GALNT13: variants seen among roughly 807,000 people sequenced by gnomAD.
GALNT13 encodes UDP-GalNAc:polypeptide N-acetylgalactosaminyltransferase 13.
A neutral mutation model predicts 64.2 loss-of-function variants in GALNT13; 28 were observed. The ratio of observed to expected loss-of-function variants is 0.44; its 90% CI spans 0.32 to 0.60. GALNT13 has a LOEUF of 0.60. Among genes scored for constraint, GALNT13 ranks in the 20% least tolerant of loss-of-function variants. The probability of loss-of-function intolerance (pLI) is 0.05; values close to 1 mark genes in which losing one functional copy is unlikely to be tolerated. For synonymous variants in GALNT13, 214 were observed against 224.6 expected, an observed-to-expected ratio of 0.95 and a Z score of 0.42; for missense variants, 577 against 669.8, an observed-to-expected ratio of 0.86 and a Z score of 1.53.
chr2:154,399,234 T>A (rs799741), intron 10 of GALNT13, among the ~76,000 whole-genome samples: 52,258 of 151,924 alleles, frequency 0.34, 9,438 homozygotes, highest in African/African-American at 0.45. Flanking sequence ...CTGAGTAACA[T>A]AGTGAGAACC....
the GALNT13 span, among the ~76,000 whole-genome samples, chr2:153,443,360 G>T: frequency 1.3e-5 from 2 of 152,154 alleles, no homozygotes; most frequent in African/African-American, 4.8e-5. Context: ...GCTTCAGCTT[G>T]CCCTCTGTGG....
chr2:153,125,492 G>A, the GALNT13 span, among the ~76,000 whole-genome samples: 1 of 152,222 alleles, frequency 6.6e-6, no homozygotes, highest in African/African-American at 2.4e-5. Flanking sequence ...TGTGGACCCT[G>A]ATGTTCCTAT....
intron 3 of GALNT13, among the ~76,000 whole-genome samples, chr2:153,954,896 CA>C (rs1051434352): frequency 3.3e-5 from 5 of 151,594 alleles, no homozygotes; most frequent in African/African-American, 7.3e-5. Flanking sequence ...TCCTTTTTGC[CA>C]AAGTAATCAT....
chr2:154,442,452 T>C (rs942882432), intron 12 of GALNT13, among the ~76,000 whole-genome samples: 3 of 152,048 alleles, frequency 2.0e-5, no homozygotes, highest in African/African-American at 7.2e-5. Context: ...GCCTAACCTG[T>C]TTGAATTGAG....
At chr2:153,854,383 C>T in the GALNT13 span, among the ~76,000 whole-genome samples, 2 of 151,864 alleles carry the variant, frequency 1.3e-5, no homozygotes, top group Non-Finnish European at 2.9e-5. Context: ...AGTTCAAGAC[C>T]AGCCTGGCTA....
chr2:153,746,300 A>G, the GALNT13 span, among the ~76,000 whole-genome samples: 1 of 152,186 alleles, frequency 6.6e-6, no homozygotes, highest in Non-Finnish European at 1.5e-5. Flanking sequence ...AGTTACCACT[A>G]TCCTAATTTG....
chr2:153,205,201 G>C, the GALNT13 span, among the ~76,000 whole-genome samples: 3 of 129,530 alleles, frequency 2.3e-5, no homozygotes, highest in African/African-American at 9.0e-5. Flanking sequence ...TTTGTAAACA[G>C]AATTTAGTGT....
At chr2:154,358,187 A>T (rs1312932818) in intron 9 of GALNT13, among the ~76,000 whole-genome samples, 1 of 152,160 alleles carries the variant, frequency 6.6e-6, no homozygotes, top group African/African-American at 2.4e-5. Context: ...CCAAACAGCA[A>T]GTTCTCTTAC....
At chr2:154,066,672 A>G (rs1419961127) in intron 3 of GALNT13, among the ~76,000 whole-genome samples, 2 of 151,696 alleles carry the variant, frequency 1.3e-5, no homozygotes, top group African/African-American at 4.8e-5. Context: ...AAAATTTTTC[A>G]GTAAAAACAA....
the GALNT13 span, among the ~76,000 whole-genome samples, chr2:153,830,841 G>A: frequency 1.3e-5 from 2 of 152,008 alleles, no homozygotes; most frequent in Non-Finnish European, 2.9e-5. Flanking sequence ...TTCCTTTAAT[G>A]TTGCTCTTTA....
intron 3 of GALNT13, among the ~76,000 whole-genome samples, chr2:153,983,138 G>A (rs1460562251): frequency 6.6e-6 from 1 of 151,864 alleles, no homozygotes; most frequent in Non-Finnish European, 1.5e-5. Context: ...GAAATTTGAT[G>A]TGAACAGCAA....
chr2:154,041,596 C>T lies in GALNT13; in HGVS notation c.142+96957C>T, dbSNP rs1293098868. 1.4e-5 allele frequency among the ~76,000 whole-genome samples: 2 copies of T among 140,454 alleles called. 1 individual carries two copies. Among genetic ancestry groups the T allele is most frequent in the Non-Finnish European group, 3.3e-5 (2 of 61,226 alleles). 92.1% of individuals were successfully genotyped at this position (140,454 alleles called of 152,430 possible). ...TCTAGCTGGCTTTGAAACCTATTGA[C>T]ATGTGAGAAGTTCAGAGTTCCTTCA... On this transcript the variant is annotated intron_variant, in intron 3 of 12. Coordinates refer to ENST00000392825, the MANE Select transcript of GALNT13 (RefSeq NM_052917.4).
At chr2:153,209,981 A>G in the GALNT13 span, among the ~76,000 whole-genome samples, 1 of 152,046 alleles carries the variant, frequency 6.6e-6, no homozygotes, top group African/African-American at 2.4e-5. Context: ...TTAGTATATA[A>G]TTATATTTGA....
chr2:154,442,567 T>C (rs1418018447), intron 12 of GALNT13, among the ~76,000 whole-genome samples: 4 of 152,030 alleles, frequency 2.6e-5, no homozygotes. Flanking sequence ...ATTGCCAGGA[T>C]TAAATGAAGA....
At chr2:154,027,461 T>G (rs1305461285) in intron 3 of GALNT13, among the ~76,000 whole-genome samples, 1 of 152,174 alleles carries the variant, frequency 6.6e-6, no homozygotes, top group Non-Finnish European at 1.5e-5. Context: ...AACTGTCGAA[T>G]GGACAACATA....
chr2:154,272,283 C>A (rs1275458821), intron 8 of GALNT13, among the ~76,000 whole-genome samples: 1 of 151,940 alleles, frequency 6.6e-6, no homozygotes, highest in Non-Finnish European at 1.5e-5. Flanking sequence ...AAATATTATT[C>A]TTTAACAGAT....
chr2:154,041,624 A>G (rs180697930), intron 3 of GALNT13, among the ~76,000 whole-genome samples: 1 of 140,912 alleles, frequency 7.1e-6, no homozygotes, highest in East Asian at 2.0e-4. Context: ...TTCCTTCAGC[A>G]TAGGGCATTC....
chr2:153,182,717 G>A, the GALNT13 span, among the ~76,000 whole-genome samples: 1 of 152,132 alleles, frequency 6.6e-6, no homozygotes, highest in Non-Finnish European at 1.5e-5. Context: ...GAGGTGTTTG[G>A]TTTTTTGTTC....
chr2:153,960,147 G>A (rs1223689213), intron 3 of GALNT13, among the ~76,000 whole-genome samples: 3 of 152,186 alleles, frequency 2.0e-5, no homozygotes, highest in Non-Finnish European at 4.4e-5. Context: ...ACTCTGTTTT[G>A]CTGCCTCTCC....
Sources: allele counts gnomAD v4.1 joint callset (sites outside exome capture counted in the v4.1 genomes callset), GRCh38; gene constraint gnomAD v4.1.1; transcripts MANE v1.5; gene names NCBI Gene and HGNC (gene_info 2026-07-23, HGNC 2026-07-21).